GPHN: variants seen among roughly 807,000 people sequenced by gnomAD.
GPHN encodes gephyrin.
GPHN carries 17 observed loss-of-function variants against 95.5 expected under a neutral mutation model. The observed-to-expected ratio is 0.18, with a 90% CI of 0.12 to 0.27. The LOEUF is 0.27. Among genes scored for constraint, GPHN ranks in the 10% least tolerant of loss-of-function variants. The pLI is 1.00. For missense variants in GPHN, 660 were observed against 978.1 expected (o/e 0.67, Z 4.34); for synonymous variants, 320 against 322.5 (o/e 0.99, Z 0.08).
chr14:67,200,024 C>A, the GPHN span: 7 of 952,024 alleles, frequency 7.4e-6, no homozygotes, highest in Non-Finnish European at 1.1e-5. Flanking sequence ...TTAGGACATC[C>A]CCATTCTGGA....
the GPHN span, among the ~76,000 whole-genome samples, chr14:67,341,106 A>C: frequency 6.6e-6 from 1 of 152,094 alleles, no homozygotes; most frequent in African/African-American, 2.4e-5. Flanking sequence ...CCGGTCTGGG[A>C]AGTGAGGAGC....
chr14:67,641,125 T>C, the GPHN span, among the ~76,000 whole-genome samples: 1 of 152,334 alleles, frequency 6.6e-6, no homozygotes, highest in Admixed American at 6.5e-5. Context: ...GCTGTGATAG[T>C]GACACCTTTG....
chr14:67,557,548 T>C, the GPHN span: 1 of 745,278 alleles, frequency 1.3e-6, no homozygotes, highest in Non-Finnish European at 2.1e-6. Context: ...CCTATTCTTT[T>C]ATGTGAAAAT....
the GPHN span, among the ~76,000 whole-genome samples, chr14:67,356,784 G>C: frequency 6.6e-6 from 1 of 152,174 alleles, no homozygotes. Context: ...TCTCACAAGA[G>C]GTCTTATCAA....
the GPHN span, chr14:67,321,198 T>C: frequency 6.2e-7 from 1 of 1,614,230 alleles, no homozygotes; most frequent in Middle Eastern, 1.6e-4. Flanking sequence ...GGAACTAGCA[T>C]AGATTCTGTA....
chr14:67,465,619 G>A, the GPHN span, among the ~76,000 whole-genome samples: 1 of 152,178 alleles, frequency 6.6e-6, no homozygotes. Flanking sequence ...CACTCCTCAT[G>A]GAATTCCTAA....
At chr14:67,365,532 C>T in the GPHN span, among the ~76,000 whole-genome samples, 2 of 152,186 alleles carry the variant, frequency 1.3e-5, no homozygotes, top group African/African-American at 4.8e-5. Flanking sequence ...TTTGCATCTA[C>T]CAGATCTCGT....
At chr14:66,860,053 C>G (rs2062963164) in intron 4 of GPHN, among the ~76,000 whole-genome samples, 1 of 151,998 alleles carries the variant, frequency 6.6e-6, no homozygotes, top group Admixed American at 6.6e-5. Context: ...GGAGTAGAAA[C>G]TTTATTCAAA....
At chr14:67,728,569 A>T in the GPHN span, among the ~76,000 whole-genome samples, 1 of 152,180 alleles carries the variant, frequency 6.6e-6, no homozygotes, top group Non-Finnish European at 1.5e-5. Flanking sequence ...TTTGTTGTAA[A>T]TGGGTATCAT....
chr14:67,719,117 T>C, the GPHN span, among the ~76,000 whole-genome samples: 1 of 152,226 alleles, frequency 6.6e-6, no homozygotes, highest in Non-Finnish European at 1.5e-5. Context: ...ATCGGAGTTA[T>C]CCTTTTCCAT....
the GPHN span, chr14:67,653,321 G>T: frequency 3.9e-6 from 3 of 768,228 alleles, no homozygotes; most frequent in East Asian, 7.9e-5. Flanking sequence ...GAGTATACAG[G>T]GACTATGCGT....
At chr14:67,065,315 T>G (rs558720166) in intron 11 of GPHN, among the ~76,000 whole-genome samples, 1 of 152,344 alleles carries the variant, frequency 6.6e-6, no homozygotes, top group East Asian at 1.9e-4. Context: ...TTGTGATTTC[T>G]GTTCTTTTAC....
intron 9 of GPHN, among the ~76,000 whole-genome samples, chr14:67,017,386 A>G (rs1384879600): frequency 3.3e-5 from 5 of 152,218 alleles, no homozygotes; most frequent in East Asian, 1.9e-4. Context: ...ATTTAAATCA[A>G]ACTTTTGCTT....
chr14:67,587,416 C>T, the GPHN span: 1 of 675,968 alleles, frequency 1.5e-6, no homozygotes, highest in East Asian at 2.7e-5. Context: ...TTTCAGGGCT[C>T]AACTTTTTAA....
At chr14:67,289,790 T>TTG in the GPHN span, among the ~76,000 whole-genome samples, 1 of 116,528 alleles carries the variant, frequency 8.6e-6, no homozygotes, top group African/African-American at 5.2e-5. Context: ...TTTTTTTTTT[T>TTG]GAGACGGAGT....
At chr14:67,221,874 T>A in the GPHN span, 2 of 1,585,104 alleles carry the variant, frequency 1.3e-6, no homozygotes, top group Non-Finnish European at 1.7e-6. Flanking sequence ...CTCTGGTTCC[T>A]AGAAGAGTAG....
intron 4 of GPHN, among the ~76,000 whole-genome samples, chr14:66,841,047 A>G (rs1001049152): frequency 5.3e-5 from 8 of 149,666 alleles, no homozygotes; most frequent in African/African-American, 9.9e-5. Context: ...ATAGATATAG[A>G]TATATACATG....
At chr14:67,215,246 C>T in the GPHN span, among the ~76,000 whole-genome samples, 2 of 152,176 alleles carry the variant, frequency 1.3e-5, no homozygotes, top group South Asian at 4.1e-4. Context: ...ATAGGCTCAC[C>T]AGGAATCTTC....
chr14:66,552,822 C>T (rs2059865533), intron 1 of GPHN, among the ~76,000 whole-genome samples: 1 of 151,970 alleles, frequency 6.6e-6, no homozygotes, highest in Non-Finnish European at 1.5e-5. Flanking sequence ...TCCCTGCCTC[C>T]CTTTCTTTTT....
Sources: gnomAD v4.1 joint callset for allele counts (sites outside exome capture counted in the v4.1 genomes callset) on GRCh38, gnomAD v4.1.1 for gene constraint, MANE v1.5 for transcripts, NCBI Gene and HGNC (gene_info 2026-07-23, HGNC 2026-07-21) for gene names.